The following CEP112 variants were observed in gnomAD, a reference collection of about 807,000 sequenced individuals.
CEP112 encodes centrosomal protein of 112 kDa.
In CEP112, 127 loss-of-function variants were observed where a neutral mutation model predicts 153.0. The observed-to-expected ratio is 0.83, with a 90% confidence interval of 0.72 to 0.96. The LOEUF (loss-of-function observed/expected upper bound fraction) is 0.96. CEP112 is among the 40% of genes least tolerant of loss of function. CEP112 has a pLI of 0.00. For missense variants in CEP112, 1,089 were observed against 1,101.2 expected, an observed-to-expected ratio of 0.99 and a Z score of 0.16; for synonymous variants, 358 against 374.4, an observed-to-expected ratio of 0.96 and a Z score of 0.51.
At chr17:66,081,516 G>A (rs2067715872) in intron 8 of CEP112, among the ~76,000 whole-genome samples, 1 of 151,556 alleles carries the variant, frequency 6.6e-6, no homozygotes, top group South Asian at 2.1e-4. Context: ...TGTTTCATAT[G>A]AAATCTATAA....
chr17:65,756,895 C>G (rs886331751), intron 21 of CEP112, among the ~76,000 whole-genome samples: 12 of 152,108 alleles, frequency 7.9e-5, no homozygotes, highest in African/African-American at 2.9e-4. Context: ...ATGGAGTGAA[C>G]TGTGTCCTCC....
intron 17 of CEP112, among the ~76,000 whole-genome samples, chr17:65,966,369 G>C (rs11079611): frequency 0.48 from 73,113 of 152,108 alleles, 18,581 homozygotes; most frequent in East Asian, 0.89. Flanking sequence ...ATGTACAGGT[G>C]AACCTTAATT....
At chr17:65,863,269 A>C (rs1192577116) in intron 20 of CEP112, among the ~76,000 whole-genome samples, 1 of 152,196 alleles carries the variant, frequency 6.6e-6, no homozygotes, top group African/African-American at 2.4e-5. Context: ...CTCCCATAAG[A>C]CCTTAAGCAT....
At chr17:66,100,654 TAAATA>T (rs1358773527) in intron 6 of CEP112, among the ~76,000 whole-genome samples, 2 of 151,990 alleles carry the variant, frequency 1.3e-5, no homozygotes, top group Non-Finnish European at 1.5e-5. Context: ...AAAATATTCT[TAAATA>T]AAATAATACC....
chr17:66,174,610 T>G (rs565934839), intron 4 of CEP112, among the ~76,000 whole-genome samples: 1 of 152,188 alleles, frequency 6.6e-6, no homozygotes, highest in South Asian at 2.1e-4. Context: ...ATTTCAAAAA[T>G]TTGGAAATTT....
intron 21 of CEP112, among the ~76,000 whole-genome samples, chr17:65,760,471 GGCT>G (rs2052546709): frequency 6.6e-6 from 1 of 151,906 alleles, no homozygotes; most frequent in South Asian, 2.1e-4. Flanking sequence ...TTTCATGAGT[GGCT>G]GCTGAATTTT....
At chr17:66,129,510 A>G (rs1172634230) in intron 6 of CEP112, among the ~76,000 whole-genome samples, 1 of 152,156 alleles carries the variant, frequency 6.6e-6, no homozygotes, top group Non-Finnish European at 1.5e-5. Context: ...TAACTATTTT[A>G]TGTGCATATC....
rs117647975 is a variant in CEP112 at position 65,931,937 on chromosome 17, C to T, written c.1873-4248G>A. 1.6e-4 allele frequency among the ~76,000 whole-genome samples: 24 copies of T among 152,288 alleles called. No individual in the cohort carries two copies. In the East Asian group the frequency reaches 3.1e-3, roughly 20 times the overall value. Reference sequence around the variant, plus strand: ...TCTGAGTGGCTGGCTGAGCAGCAACCCCAGAGACCTTGACAGCATTGGAGT... The same window carrying T: ...TCTGAGTGGCTGGCTGAGCAGCAACTCCAGAGACCTTGACAGCATTGGAGT... On this transcript the variant is annotated intron_variant, in intron 18 of 26. Transcript: ENST00000535342.
intron 1 of CEP112, among the ~76,000 whole-genome samples, chr17:66,190,059 G>A (rs2073105925): frequency 6.6e-6 from 1 of 151,826 alleles, no homozygotes; most frequent in African/African-American, 2.4e-5. Context: ...AACGGGTGCA[G>A]TGGCTCACAC....
At chr17:66,063,194 A>T (rs577695119) in intron 10 of CEP112, 113 bp from the exon 11 acceptor site, 1 of 468,990 alleles carries the variant, frequency 2.1e-6, no homozygotes, top group South Asian at 4.5e-5. Context: ...AAGTCTTCTC[A>T]ATGCTTTCTT....
chr17:65,995,749 T>C (rs887131705), intron 17 of CEP112, among the ~76,000 whole-genome samples: 2 of 152,216 alleles, frequency 1.3e-5, no homozygotes. Context: ...TCTTGAATTG[T>C]AGCTCCCATA....
intron 19 of CEP112, among the ~76,000 whole-genome samples, chr17:65,910,212 T>C (rs2060234515): frequency 1.3e-5 from 2 of 152,128 alleles, no homozygotes; most frequent in South Asian, 4.1e-4. Flanking sequence ...TCCATCCCTA[T>C]CACGATCTCA....
chr17:65,917,752 C>T (rs933469550), intron 19 of CEP112, among the ~76,000 whole-genome samples: 12 of 151,936 alleles, frequency 7.9e-5, no homozygotes, highest in African/African-American at 2.7e-4. Flanking sequence ...GCCAGCAGCT[C>T]CCCACGTGAT....
chr17:66,161,631 C>T (rs1490424647), intron 4 of CEP112, among the ~76,000 whole-genome samples: 1 of 151,792 alleles, frequency 6.6e-6, no homozygotes, highest in Non-Finnish European at 1.5e-5. Context: ...GGGAGTTGAA[C>T]ATGAGAACAC....
intron 21 of CEP112, among the ~76,000 whole-genome samples, chr17:65,776,039 G>C (rs1331225065): frequency 6.6e-6 from 1 of 152,136 alleles, no homozygotes; most frequent in Non-Finnish European, 1.5e-5. Flanking sequence ...AGATGAACTC[G>C]CTGCAGCAAA....
chr17:66,064,828 T>A (rs1475910085), intron 10 of CEP112, among the ~76,000 whole-genome samples: 2 of 152,158 alleles, frequency 1.3e-5, no homozygotes, highest in Non-Finnish European at 2.9e-5. Context: ...GGAAATAAAT[T>A]TAAAATATTT....
At chr17:65,878,331 T>C (rs527880510) in intron 20 of CEP112, among the ~76,000 whole-genome samples, 1 of 152,300 alleles carries the variant, frequency 6.6e-6, no homozygotes, top group South Asian at 2.1e-4. Flanking sequence ...CTTAAACATA[T>C]AAAGCTATTT....
rs937959134 is a variant in CEP112, at chr17:65,743,212, T to C, written c.2463A>G (p.Ile821Met). 1 of 1,606,126 alleles carries C rather than the reference T, an allele frequency of 6.2e-7. No individual in the cohort carries two copies. The highest frequency in any genetic ancestry group is 1.3e-5 in the African/African-American group (1 of 74,550). ...TQKLAKSSQI[I>M]AELQTTISSL... ...AGGAAATGGTTGTCTGAAGTTCTGCTATGATCTAAAATGAAAACAGCATGC... is the reference window on the plus strand; with the variant it reads ...AGGAAATGGTTGTCTGAAGTTCTGCCATGATCTAAAATGAAAACAGCATGC... The change falls in exon 23 of 27, where the codon ATA (isoleucine) becomes ATG (methionine). Residue 821 changes from isoleucine to methionine, a missense_variant. Coordinates refer to ENST00000535342, the MANE Select transcript of CEP112 (RefSeq NM_001199165.4).
At chr17:65,970,415 G>T (rs62064276) in intron 17 of CEP112, among the ~76,000 whole-genome samples, 1 of 37,174 alleles carries the variant, frequency 2.7e-5, no homozygotes, top group African/African-American at 1.7e-4. Context: ...CATCATGCAT[G>T]TATATTACAT....
Sources: allele counts gnomAD v4.1 joint callset (sites outside exome capture counted in the v4.1 genomes callset), GRCh38; gene constraint gnomAD v4.1.1; transcripts MANE v1.5; gene names NCBI Gene and HGNC (gene_info 2026-07-23, HGNC 2026-07-21).